The following KIF26B variants were observed in gnomAD, a reference collection of about 807,000 sequenced individuals.
KIF26B encodes kinesin family member 26B, also known as kinesin-like protein KIF26B.
KIF26B carries 63 observed loss-of-function variants against 151.2 expected under a neutral mutation model. The observed-to-expected ratio is 0.42, with a 90% CI of 0.34 to 0.51. KIF26B has a LOEUF of 0.51. Ranked by LOEUF, KIF26B falls within the 20% of genes least tolerant of loss-of-function variation. The pLI is 0.07. For missense variants in KIF26B, 2,813 were observed against 2,913.6 expected, an observed-to-expected ratio of 0.97 and a Z score of 0.79; for synonymous variants, 1,357 against 1,262.1, an observed-to-expected ratio of 1.08 and a Z score of -1.59.
In KIF26B at chr1:245,488,049, A is replaced by G. The variant is rs1469573317; in HGVS notation, c.1167-52718A>G. Among the ~76,000 whole-genome samples, 2 of 151,902 alleles carry G rather than the reference A, an allele frequency of 1.3e-5. No homozygotes were observed. Among genetic ancestry groups the G allele is most frequent in the Non-Finnish European group, 2.9e-5 (2 of 67,960 alleles). ...GTGATCCACCCACCTCAGCCTGCCAAAGTGCTGGGATTACAGGCATGAGCT... is the reference window on the plus strand; with the variant it reads ...GTGATCCACCCACCTCAGCCTGCCAGAGTGCTGGGATTACAGGCATGAGCT... On this transcript the variant is annotated intron_variant, in intron 4 of 14. Coordinates refer to ENST00000407071, the MANE Select transcript of KIF26B (RefSeq NM_018012.4). This position sits in a 1 kb window ranked among gnomAD's most constrained non-coding sequence, Gnocchi z 4.6.
chr1:245,575,540 T>C (rs976426208), intron 5 of KIF26B, among the ~76,000 whole-genome samples: 5 of 152,038 alleles, frequency 3.3e-5, no homozygotes, highest in African/African-American at 1.2e-4. Flanking sequence ...CAGATTTCAC[T>C]CACTGACCTG....
chr1:245,584,638 A>T (rs907293839), intron 5 of KIF26B, among the ~76,000 whole-genome samples: 1 of 152,170 alleles, frequency 6.6e-6, no homozygotes, highest in Admixed American at 6.5e-5. Flanking sequence ...TGTTTATTTG[A>T]GGAAAGAGAA....
intron 9 of KIF26B, among the ~76,000 whole-genome samples, chr1:245,617,636 C>T (rs1306912811): frequency 5.9e-5 from 9 of 152,110 alleles, no homozygotes; most frequent in Non-Finnish European, 8.8e-5. Context: ...TCTCATCTCC[C>T]GCTTGGTCAA....
intron 2 of KIF26B, among the ~76,000 whole-genome samples, chr1:245,322,017 T>C (rs1010767674): frequency 1.3e-5 from 2 of 152,158 alleles, no homozygotes; most frequent in African/African-American, 4.8e-5. Context: ...GTGGCACATA[T>C]ACACCATGGA....
Position 245,367,285 on chromosome 1 carries a change from C to A in KIF26B, c.917C>A (p.Ser306Ter). The A allele has an allele frequency of 6.3e-7, 1 of 1,599,282 alleles. No homozygotes were observed. The highest frequency in any genetic ancestry group is 1.7e-5 in the Admixed American group (1 of 57,600). ...CCAAGCAATGGGAACATCCTCAATT[C>A]GGTGGCCATCCAGGCTCACCAGTAC... is the stretch of plus-strand genomic sequence containing the variant. ...TSPSNGNILN[S>*]VAIQAHQYLD... Residue 306 changes from serine to a stop codon, truncating the protein, a stop_gained, in exon 3 of 15, where the codon TCG becomes TAG. Coordinates refer to ENST00000407071, the MANE Select transcript of KIF26B (RefSeq NM_018012.4). LOFTEE classifies it high-confidence loss of function. The surrounding 1 kb of genome is among the most constrained non-coding windows in gnomAD (Gnocchi z 4.2).
At chr1:245,222,924 G>A (rs977374789) in intron 2 of KIF26B, among the ~76,000 whole-genome samples, 7 of 152,300 alleles carry the variant, frequency 4.6e-5, no homozygotes, top group South Asian at 2.1e-4. Flanking sequence ...TTTCTCGTGA[G>A]TACCTGTATG....
At chr1:245,509,831 C>A (rs574410577) in intron 4 of KIF26B, among the ~76,000 whole-genome samples, 12 of 152,330 alleles carry the variant, frequency 7.9e-5, no homozygotes, top group African/African-American at 2.9e-4. Context: ...CCCAGCCTGC[C>A]TCACCTGTGC....
At chr1:245,636,884 A>G (rs28882417) in intron 9 of KIF26B, among the ~76,000 whole-genome samples, 3 of 129,850 alleles carry the variant, frequency 2.3e-5, no homozygotes, top group Admixed American at 7.5e-5. Context: ...GTGTGTGTGT[A>G]TCTATCTCAC....
intron 10 of KIF26B, among the ~76,000 whole-genome samples, chr1:245,670,789 G>T (rs776946365): frequency 4.6e-5 from 7 of 152,194 alleles, no homozygotes; most frequent in Non-Finnish European, 7.4e-5. Flanking sequence ...GACATGCAAT[G>T]TGAAATAAGC....
At chr1:245,680,230 GATC>G (rs1160999017) in intron 10 of KIF26B, among the ~76,000 whole-genome samples, 4 of 151,630 alleles carry the variant, frequency 2.6e-5, no homozygotes, top group Admixed American at 2.6e-4. Context: ...CAAGTTAAAT[GATC>G]ATCATGAGGT....
intron 2 of KIF26B, among the ~76,000 whole-genome samples, chr1:245,257,557 G>A (rs1170264137): frequency 7.2e-5 from 11 of 152,134 alleles, no homozygotes; most frequent in Admixed American, 2.6e-4. Flanking sequence ...AATTTTTGTC[G>A]TTAAACGAGT....
Position 245,239,762 on chromosome 1 carries a change from C to T in KIF26B, c.465+83079C>T, listed in dbSNP as rs6686205. Among the ~76,000 whole-genome samples, 59,884 of 151,946 alleles carry T rather than the reference C, an allele frequency of 0.39. 12,554 individuals are homozygous for T. The highest frequency in any genetic ancestry group is 0.71 in the East Asian group (3,653 of 5,158). ...TCAGGTGATCTGGCCTCCCAGAGTG[C>T]TGGGATTACAGGCATGAGCCATTGT... On this transcript the variant is annotated intron_variant, in intron 2 of 14. Coordinates refer to ENST00000407071, the MANE Select transcript of KIF26B (RefSeq NM_018012.4). This position sits in a 1 kb window ranked among gnomAD's most constrained non-coding sequence, Gnocchi z 4.3.
At chr1:245,461,237 T>C (rs1407335179) in intron 4 of KIF26B, among the ~76,000 whole-genome samples, 5 of 152,278 alleles carry the variant, frequency 3.3e-5, no homozygotes, top group African/African-American at 1.2e-4. Flanking sequence ...AGGGCTGACG[T>C]GGTAGAATCC....
intron 2 of KIF26B, among the ~76,000 whole-genome samples, chr1:245,262,696 C>T (rs1257571415): frequency 6.6e-6 from 1 of 152,130 alleles, no homozygotes; most frequent in African/African-American, 2.4e-5. Flanking sequence ...TTCAAGTGAT[C>T]CTCCCACCTC....
At position 245,698,148 on chromosome 1, in the gene KIF26B, CCT is replaced by C. The variant is rs764787276; in HGVS notation, c.5870_5871del (p.Ser1957PhefsTer31). On this transcript the variant is annotated frameshift_variant, in exon 13 of 15. Coordinates refer to ENST00000407071, the MANE Select transcript of KIF26B (RefSeq NM_018012.4). LOFTEE classifies it high-confidence loss of function. The surrounding 1 kb of genome is among the most constrained non-coding windows in gnomAD (Gnocchi z 4.0). ...CTTATCCCAGCACTATCCCTGGACA[CCT>C]CTTCCCCTGTGAGAAAACCCCCCAA... is the stretch of plus-strand genomic sequence containing the variant. 6.2e-7 allele frequency: 1 copy of C among 1,614,040 alleles called. No individual in the cohort carries two copies.
Position 245,175,957 on chromosome 1 carries a change from TATCTATATATATAGAC to T in KIF26B, c.465+19290_465+19305del, listed in dbSNP as rs1182246309. On this transcript the variant is annotated intron_variant, in intron 2 of 14. Transcript: ENST00000407071. The stretch of plus-strand genomic sequence containing the variant: ...AGATGTCTATATATATAGATATCTA[TATCTATATATATAGAC>T]ATCTATATATATAGATATAGATATA... Among the ~76,000 whole-genome samples, 961 of 146,298 alleles carry T rather than the reference TATCTATATATATAGAC, an allele frequency of 6.6e-3. 9 individuals carry two copies. Among genetic ancestry groups the T allele is most frequent in the African/African-American group, 0.022 (909 of 40,486 alleles).
At chr1:245,533,398 T>C (rs1558203125) in intron 4 of KIF26B, among the ~76,000 whole-genome samples, 1 of 152,204 alleles carries the variant, frequency 6.6e-6, no homozygotes, top group South Asian at 2.1e-4. Context: ...GTTGGATTTG[T>C]AGAGCTCGAA....
intron 2 of KIF26B, among the ~76,000 whole-genome samples, chr1:245,285,458 A>G (rs1265005052): frequency 1.3e-5 from 2 of 152,100 alleles, no homozygotes; most frequent in East Asian, 1.9e-4. Flanking sequence ...CATTAATTCA[A>G]TTTGCCACAG....
intron 2 of KIF26B, among the ~76,000 whole-genome samples, chr1:245,264,455 G>T (rs1304307977): frequency 6.6e-6 from 1 of 151,918 alleles, no homozygotes; most frequent in Non-Finnish European, 1.5e-5. Flanking sequence ...TTTCTGTTCG[G>T]GCAAACAGAG....
Sources: gnomAD v4.1 joint callset for allele counts (sites outside exome capture counted in the v4.1 genomes callset) on GRCh38, gnomAD v4.1.1 for gene constraint, Gnocchi (gnomAD v3.1) non-coding constraint, MANE v1.5 for transcripts, NCBI Gene and HGNC (gene_info 2026-07-23, HGNC 2026-07-21) for gene names.